SH3GL2: variants seen among roughly 807,000 people sequenced by gnomAD.
SH3GL2 encodes the protein endophilin-A1.
Under a neutral mutation model 46.0 loss-of-function variants are expected in SH3GL2, and 24 were observed. The ratio of observed to expected loss-of-function variants is 0.52; its 90% confidence interval spans 0.38 to 0.73. SH3GL2 has a LOEUF of 0.73. SH3GL2 is among the 30% of genes least tolerant of loss of function. The pLI is 0.00. For missense variants in SH3GL2, 413 were observed against 424.2 expected, an observed-to-expected ratio of 0.97 and a Z score of 0.23; for synonymous variants, 196 against 147.1, an observed-to-expected ratio of 1.33 and a Z score of -2.40.
In SH3GL2 at chr9:17,760,768, G is replaced by A. The variant is rs927550396; in HGVS notation, c.115-669G>A. On this transcript the variant is annotated intron_variant, in intron 2 of 8. Coordinates refer to ENST00000380607, the MANE Select transcript of SH3GL2 (RefSeq NM_003026.5). ...ATAAGAAAAGGATTTCTTGGAGAAA[G>A]ACAGAGAGCACTGCAGTGAGCACCT... Among the ~76,000 whole-genome samples, 10 of 152,152 alleles carry A rather than the reference G, an allele frequency of 6.6e-5. 1 individual carries two copies. The highest frequency in any genetic ancestry group is 1.5e-4 in the Non-Finnish European group (10 of 68,026).
intron 1 of SH3GL2, among the ~76,000 whole-genome samples, chr9:17,710,152 A>G (rs1315048623): frequency 2.0e-5 from 3 of 151,942 alleles, no homozygotes; most frequent in Admixed American, 6.6e-5. Context: ...TTACCATTCA[A>G]TTGTGAGTGA....
intron 1 of SH3GL2, among the ~76,000 whole-genome samples, chr9:17,733,809 T>C (rs1452364855): frequency 1.3e-5 from 2 of 152,066 alleles, no homozygotes; most frequent in African/African-American, 4.8e-5. Flanking sequence ...GATGAGTTCA[T>C]GTCCTTTGTA....
chr9:17,794,870 T>C (rs961808561), intron 8 of SH3GL2, among the ~76,000 whole-genome samples: 1 of 152,196 alleles, frequency 6.6e-6, no homozygotes, highest in Non-Finnish European at 1.5e-5. Flanking sequence ...CATAATCTCA[T>C]TTAGTAGCCA....
At chr9:17,726,291 A>G (rs1030653415) in intron 1 of SH3GL2, among the ~76,000 whole-genome samples, 1 of 152,116 alleles carries the variant, frequency 6.6e-6, no homozygotes, top group African/African-American at 2.4e-5. Context: ...CTTCATTGTC[A>G]TTGAATGTGT....
At chr9:17,711,564 T>C (rs1021281791) in intron 1 of SH3GL2, among the ~76,000 whole-genome samples, 1 of 151,870 alleles carries the variant, frequency 6.6e-6, no homozygotes, top group Non-Finnish European at 1.5e-5. Flanking sequence ...TGTAATCATA[T>C]AATATTGTAT....
chr9:17,645,278 A>T (rs961736008), intron 1 of SH3GL2, among the ~76,000 whole-genome samples: 2 of 147,912 alleles, frequency 1.4e-5, no homozygotes, highest in Admixed American at 1.4e-4. Flanking sequence ...CAACACACTG[A>T]TGGGTCTCCT....
chr9:17,775,190 C>G (rs1823607753), intron 3 of SH3GL2, among the ~76,000 whole-genome samples: 1 of 151,942 alleles, frequency 6.6e-6, no homozygotes, highest in Admixed American at 6.6e-5. Context: ...TCTAGTTCAG[C>G]TAGCTAAATG....
intron 1 of SH3GL2, among the ~76,000 whole-genome samples, chr9:17,643,834 A>G (rs774034806): frequency 1.1e-4 from 17 of 152,180 alleles, no homozygotes; most frequent in Non-Finnish European, 1.8e-4. Flanking sequence ...TATCAGGATG[A>G]TGCTGGCCTC....
intron 1 of SH3GL2, among the ~76,000 whole-genome samples, chr9:17,683,016 C>T (rs141750615): frequency 2.6e-5 from 4 of 152,158 alleles, no homozygotes; most frequent in African/African-American, 4.8e-5. Flanking sequence ...TTCTTGGTCT[C>T]ATCAGAGAAT....
intron 1 of SH3GL2, among the ~76,000 whole-genome samples, chr9:17,727,153 A>C (rs763645949): frequency 2.0e-5 from 3 of 152,226 alleles, no homozygotes; most frequent in Non-Finnish European, 4.4e-5. Context: ...CTGCCTCTAC[A>C]GAGAGCAACA....
chr9:17,687,722 C>T (rs949885405), intron 1 of SH3GL2, among the ~76,000 whole-genome samples: 3 of 130,334 alleles, frequency 2.3e-5, no homozygotes, highest in South Asian at 4.5e-4. Context: ...TTTGTCTTTG[C>T]CCCCCGAAAA....
At chr9:17,743,987 A>G (rs919880008) in intron 1 of SH3GL2, among the ~76,000 whole-genome samples, 1 of 152,318 alleles carries the variant, frequency 6.6e-6, no homozygotes, top group Non-Finnish European at 1.5e-5. Flanking sequence ...GAAGGGGTCT[A>G]TCTATAATGA....
intron 1 of SH3GL2, among the ~76,000 whole-genome samples, chr9:17,654,228 G>A (rs934032896): frequency 1.9e-4 from 29 of 152,264 alleles, no homozygotes; most frequent in Middle Eastern, 3.4e-3. Flanking sequence ...CTGTGCTGCC[G>A]AAGACTGAAT....
intron 1 of SH3GL2, among the ~76,000 whole-genome samples, chr9:17,744,213 C>G: frequency 6.6e-6 from 1 of 152,138 alleles, no homozygotes; most frequent in East Asian, 1.9e-4. Flanking sequence ...TGAGCCAGAA[C>G]TGTTGTCACT....
intron 3 of SH3GL2, among the ~76,000 whole-genome samples, chr9:17,773,386 C>T (rs1454137102): frequency 6.6e-6 from 1 of 152,100 alleles, no homozygotes; most frequent in Non-Finnish European, 1.5e-5. Flanking sequence ...TTCATTGCCA[C>T]ATCCAGTGTC....
intron 1 of SH3GL2, among the ~76,000 whole-genome samples, chr9:17,666,277 C>G (rs1197224807): frequency 2.0e-5 from 3 of 151,666 alleles, no homozygotes; most frequent in African/African-American, 7.3e-5. Context: ...TGTTGTATTC[C>G]TTTTACCATT....
intron 1 of SH3GL2, chr9:17,591,325 A>G (rs1014716796): frequency 6.6e-6 from 1 of 152,064 alleles, no homozygotes; most frequent in African/African-American, 2.4e-5. Flanking sequence ...AATTACCTAA[A>G]TTCTTAGTGT....
At chr9:17,621,127 G>A (rs1819129809) in intron 1 of SH3GL2, among the ~76,000 whole-genome samples, 2 of 152,162 alleles carry the variant, frequency 1.3e-5, no homozygotes, top group African/African-American at 4.8e-5. Context: ...TTCAATGCCT[G>A]TAGACAGCTT....
chr9:17,715,590 C>T (rs1214641760), intron 1 of SH3GL2, among the ~76,000 whole-genome samples: 1 of 151,764 alleles, frequency 6.6e-6, no homozygotes, highest in East Asian at 1.9e-4. Flanking sequence ...TCCTGCAAGA[C>T]CTCCCGTGGT....
Sources: allele counts gnomAD v4.1 joint callset (sites outside exome capture counted in the v4.1 genomes callset), GRCh38; gene constraint gnomAD v4.1.1; transcripts MANE v1.5; gene names NCBI Gene and HGNC (gene_info 2026-07-23, HGNC 2026-07-21).